Variants in SEMA6D observed in about 807,000 individuals in gnomAD.
SEMA6D encodes semaphorin-6D.
Under a neutral mutation model 106.6 loss-of-function variants are expected in SEMA6D, and 35 were observed. The observed-to-expected ratio is 0.33, with a 90% CI of 0.25 to 0.44. The LOEUF is 0.44. SEMA6D is among the 20% of genes least tolerant of loss of function. SEMA6D has a pLI of 1.00. For missense variants in SEMA6D, 1,185 were observed against 1,345.9 expected (o/e 0.88, Z 1.87); for synonymous variants, 499 against 487.7 (o/e 1.02, Z -0.31).
Position 47,291,114 on chromosome 15 carries a change from A to G in SEMA6D, c.-239+106696A>G, listed in dbSNP as rs78651189. Among the ~76,000 whole-genome samples the G allele has an allele frequency of 2.6e-3, 401 of 152,322 alleles. 3 individuals are homozygous for G. Among genetic ancestry groups the G allele is most frequent in the African/African-American group, 9.4e-3 (391 of 41,572 alleles). On this transcript the variant is annotated intron_variant, in intron 1 of 19. Transcript: ENST00000558014. ...ATAATATTCCTCATATCCAACTTGGATACTTAATGGCAGGCAAATTAATGG... is the reference window on the plus strand; with the variant it reads ...ATAATATTCCTCATATCCAACTTGGGTACTTAATGGCAGGCAAATTAATGG...
At chr15:47,716,268 AAAT>A (rs1449920421), upstream of SEMA6D, among the ~76,000 whole-genome samples, 1 of 152,110 alleles carries the variant, frequency 6.6e-6, no homozygotes. Context: ...ACTAGGGAGG[AAAT>A]AGTTCTCCGG....
intron 3 of SEMA6D, among the ~76,000 whole-genome samples, chr15:47,552,898 A>ATATATATT (rs2045796055): frequency 1.9e-5 from 2 of 105,748 alleles, no homozygotes; most frequent in Non-Finnish European, 3.6e-5. Flanking sequence ...ATAAATATAT[A>ATATATATT]TATATATAAA....
At position 47,771,223 on chromosome 15, in the gene SEMA6D, A is replaced by G; in HGVS notation, c.2660A>G (p.Asn887Ser). The change falls in exon 19 of 19, where the codon AAT becomes AGT. Residue 887 changes from asparagine to serine, a missense_variant. Coordinates refer to ENST00000536845, the MANE Select transcript of SEMA6D (RefSeq NM_001358351.3). ...CTCAATGATCTCCTGAAGCATCTGA[A>G]TGACCCAAATAGTAACCCCAAAGCC... ...NTLNDLLKHL[N>S]DPNSNPKAIM... 1.2e-6 allele frequency: 2 copies of G among 1,614,096 alleles called. No homozygotes were observed. Among genetic ancestry groups the G allele is most frequent in the African/African-American group, 1.3e-5 (1 of 75,036 alleles).
At chr15:47,335,724 G>A (rs1423436147) in intron 1 of SEMA6D, among the ~76,000 whole-genome samples, 2 of 152,090 alleles carry the variant, frequency 1.3e-5, no homozygotes, top group African/African-American at 4.8e-5. Flanking sequence ...ACTAAGGACA[G>A]TAAAGGGATT....
chr15:47,352,184 A>T (rs2144826636), intron 1 of SEMA6D, among the ~76,000 whole-genome samples: 1 of 152,306 alleles, frequency 6.6e-6, no homozygotes, highest in Middle Eastern at 3.4e-3. Flanking sequence ...AGTAATGAAC[A>T]CAAAGTGAAT....
At chr15:47,649,361 T>C (rs1234042355) in intron 4 of SEMA6D, among the ~76,000 whole-genome samples, 2 of 152,130 alleles carry the variant, frequency 1.3e-5, no homozygotes, top group African/African-American at 4.8e-5. Flanking sequence ...TGGGACATTA[T>C]CAGCTAACAT....
chr15:47,238,739 GCTTAGGCTGGGA>G (rs1442680827), intron 1 of SEMA6D, among the ~76,000 whole-genome samples: 1 of 152,136 alleles, frequency 6.6e-6, no homozygotes, highest in Admixed American at 6.6e-5. Flanking sequence ...TGGCAGCTAT[GCTTAGGCTGGGA>G]CCAGTGGAAA....
In SEMA6D at chr15:47,438,712, T is replaced by A. The variant is rs2041796376; in HGVS notation, c.-159+26240T>A. On this transcript the variant is annotated intron_variant, in intron 2 of 19. Coordinates refer to the SEMA6D transcript ENST00000558014. The stretch of plus-strand genomic sequence containing the variant: ...TATCACCCTAATGGGCCTGCCATGA[T>A]CTTTTGCACCTGCCCCTTCCCTGGG... Among the ~76,000 whole-genome samples, 5 of 151,960 alleles carry A rather than the reference T, an allele frequency of 3.3e-5. No individual in the cohort carries two copies. In the South Asian group the frequency reaches 1.0e-3, roughly 32 times the overall value.
intron 4 of SEMA6D, among the ~76,000 whole-genome samples, chr15:47,679,500 T>A (rs1016992718): frequency 4.6e-5 from 7 of 152,232 alleles, no homozygotes; most frequent in Non-Finnish European, 1.0e-4. Context: ...AAATGCCTGG[T>A]TTCCCAGGAG....
intron 6 of SEMA6D, 112 bp from the exon 7 acceptor site, chr15:47,761,549 A>C (rs1355745466): frequency 8.0e-7 from 1 of 1,249,286 alleles, no homozygotes; most frequent in African/African-American, 1.5e-5. Flanking sequence ...AGTGCAATGA[A>C]AGAATAAAGA....
At chr15:47,718,477 C>T (rs2079220741) in intron 1 of SEMA6D, 1 of 152,342 alleles carries the variant, frequency 6.6e-6, no homozygotes, top group Non-Finnish European at 1.5e-5. Flanking sequence ...ATCCCCGGCC[C>T]AGGCCCGGAG....
intron 1 of SEMA6D, among the ~76,000 whole-genome samples, chr15:47,369,898 A>G (rs1369090517): frequency 5.9e-5 from 9 of 152,246 alleles, no homozygotes; most frequent in Non-Finnish European, 1.2e-4. Flanking sequence ...GAAATGCTTG[A>G]ATACCAGCAA....
intron 1 of SEMA6D, among the ~76,000 whole-genome samples, chr15:47,204,428 A>C (rs1340350228): frequency 1.3e-5 from 2 of 152,174 alleles, no homozygotes; most frequent in African/African-American, 4.8e-5. Context: ...AGTAAAATTG[A>C]GGTTATATCT....
At chr15:47,592,129 T>G (rs2143017102) in intron 3 of SEMA6D, among the ~76,000 whole-genome samples, 1 of 152,292 alleles carries the variant, frequency 6.6e-6, no homozygotes, top group East Asian at 1.9e-4. Flanking sequence ...AGATGTTATT[T>G]CTAAAATCAA....
intron 16 of SEMA6D, 128 bp downstream of exon 16, chr15:47,766,805 C>A: frequency 2.9e-6 from 2 of 701,372 alleles, no homozygotes; most frequent in South Asian, 2.0e-5. Flanking sequence ...TTAAACTTCG[C>A]AAAAGCTGAG....
At chr15:47,542,706 T>C (rs1041232386) in intron 3 of SEMA6D, among the ~76,000 whole-genome samples, 18 of 152,316 alleles carry the variant, frequency 1.2e-4, no homozygotes, top group African/African-American at 4.3e-4. Context: ...TTCCGCTAGT[T>C]ACAGCCAATA....
At chr15:47,652,076 A>G (rs114184208) in intron 4 of SEMA6D, among the ~76,000 whole-genome samples, 3,116 of 152,314 alleles carry the variant, frequency 0.02, 119 homozygotes, top group African/African-American at 0.071. Context: ...TTTGCCATAC[A>G]TAATATACTG....
chr15:47,454,597 G>T (rs1188600662), intron 2 of SEMA6D, among the ~76,000 whole-genome samples: 2 of 72,036 alleles, frequency 2.8e-5, no homozygotes, highest in Non-Finnish European at 4.7e-5. Context: ...CCTTGCACAT[G>T]TGCACACACA....
intron 1 of SEMA6D, among the ~76,000 whole-genome samples, chr15:47,398,766 G>A (rs898197028): frequency 7.2e-5 from 11 of 152,110 alleles, no homozygotes; most frequent in African/African-American, 1.2e-4. Flanking sequence ...CTGAGTAGCT[G>A]TCATCACCCT....
Sources: allele counts gnomAD v4.1 joint callset (sites outside exome capture counted in the v4.1 genomes callset), GRCh38; gene constraint gnomAD v4.1.1; transcripts MANE v1.5; gene names NCBI Gene and HGNC (gene_info 2026-07-23, HGNC 2026-07-21).